Variants in LYPD6B observed in about 807,000 individuals in gnomAD.
The protein encoded by LYPD6B is ly6/PLAUR domain-containing protein 6B.
LYPD6B carries 17 observed loss-of-function variants against 22.8 expected under a neutral mutation model. The observed-to-expected ratio is 0.75, with a 90% CI of 0.51 to 1.12. The LOEUF is 1.12. Ranked by LOEUF, LYPD6B falls within the 50% of genes most tolerant of loss-of-function variation. LYPD6B has a pLI of 0.00. For missense variants in LYPD6B, 221 were observed against 258.3 expected (o/e 0.86, Z 0.99); for synonymous variants, 106 against 91.6 (o/e 1.16, Z -0.90).
intron 1 of LYPD6B, among the ~76,000 whole-genome samples, chr2:149,094,241 G>A (rs564347298): frequency 5.3e-5 from 8 of 152,252 alleles, no homozygotes; most frequent in Admixed American, 2.6e-4. Flanking sequence ...GAAAGGATTC[G>A]ACTATCGGCA....
intron 3 of LYPD6B, among the ~76,000 whole-genome samples, chr2:149,177,618 C>T (rs881495): frequency 0.31 from 47,275 of 152,080 alleles, 9,135 homozygotes; most frequent in East Asian, 0.55. Context: ...TTGGGATCTG[C>T]AAGGGATTGG....
intron 3 of LYPD6B, among the ~76,000 whole-genome samples, chr2:149,177,832 A>G (rs1691424276): frequency 1.5e-5 from 2 of 135,002 alleles, no homozygotes; most frequent in South Asian, 2.7e-4. Context: ...CCCTTCTGCA[A>G]GAGTTTTTTT....
intron 1 of LYPD6B, among the ~76,000 whole-genome samples, chr2:149,124,769 G>A (rs1032337820): frequency 2.0e-5 from 3 of 152,050 alleles, no homozygotes; most frequent in East Asian, 3.9e-4. Flanking sequence ...TTAGGATTAC[G>A]TAAAAAGGAG....
intron 1 of LYPD6B, among the ~76,000 whole-genome samples, chr2:149,054,586 C>T (rs9636256): frequency 0.076 from 11,629 of 152,114 alleles, 601 homozygotes; most frequent in East Asian, 0.29. Context: ...ACATGAAACA[C>T]GAAAGGTTTT....
chr2:149,136,329 T>A (rs1688369712), intron 2 of LYPD6B, among the ~76,000 whole-genome samples: 1 of 152,182 alleles, frequency 6.6e-6, no homozygotes, highest in South Asian at 2.1e-4. Context: ...TTTTCAATAT[T>A]TCATAAGCTA....
intron 1 of LYPD6B, among the ~76,000 whole-genome samples, chr2:149,048,959 A>G (rs1683429665): frequency 6.6e-6 from 1 of 152,216 alleles, no homozygotes. Context: ...AATATACGTC[A>G]GGATTAGGTA....
At chr2:149,071,803 A>G (rs921163704) in intron 1 of LYPD6B, among the ~76,000 whole-genome samples, 6 of 152,236 alleles carry the variant, frequency 3.9e-5, no homozygotes, top group Admixed American at 3.9e-4. Context: ...GGAAAACTTC[A>G]AGGACAAGGT....
intron 2 of LYPD6B, among the ~76,000 whole-genome samples, chr2:149,135,429 T>C (rs997650867): frequency 7.9e-5 from 12 of 152,032 alleles, no homozygotes; most frequent in African/African-American, 2.9e-4. Flanking sequence ...TAAAGAAATG[T>C]GTATTTTTGG....
intron 1 of LYPD6B, among the ~76,000 whole-genome samples, chr2:149,107,107 A>G (rs1333145725): frequency 6.6e-6 from 1 of 152,234 alleles, no homozygotes; most frequent in Non-Finnish European, 1.5e-5. Context: ...AGAATATACT[A>G]TAATTAAAGT....
chr2:149,058,707 C>T (rs766900768), intron 1 of LYPD6B, among the ~76,000 whole-genome samples: 4 of 152,216 alleles, frequency 2.6e-5, no homozygotes, highest in African/African-American at 7.2e-5. Flanking sequence ...ACAACCTCCA[C>T]CTCCCAGGTT....
At chr2:149,110,995 T>C (rs891351639) in intron 1 of LYPD6B, among the ~76,000 whole-genome samples, 2 of 152,146 alleles carry the variant, frequency 1.3e-5, no homozygotes, top group Admixed American at 1.3e-4. Flanking sequence ...GGTAGCTATC[T>C]GGTGGAAGGA....
At chr2:149,199,818 A>G (rs914634702) in intron 3 of LYPD6B, among the ~76,000 whole-genome samples, 4 of 152,246 alleles carry the variant, frequency 2.6e-5, no homozygotes, top group Admixed American at 6.5e-5. Context: ...TGGGTTCCCA[A>G]CGCCCAGGGA....
At chr2:149,044,082 T>G (rs1309962579) in intron 1 of LYPD6B, among the ~76,000 whole-genome samples, 1 of 152,124 alleles carries the variant, frequency 6.6e-6, no homozygotes, top group Non-Finnish European at 1.5e-5. Context: ...AACTTTATTC[T>G]TTTTCAAAAT....
intron 1 of LYPD6B, among the ~76,000 whole-genome samples, chr2:149,106,424 G>T (rs529968740): frequency 6.6e-6 from 1 of 152,226 alleles, no homozygotes; most frequent in East Asian, 1.9e-4. Context: ...TTCATGGGAA[G>T]ATTTTTAACT....
intron 2 of LYPD6B, among the ~76,000 whole-genome samples, chr2:149,147,233 C>G (rs538053875): frequency 6.6e-6 from 1 of 151,200 alleles, no homozygotes; most frequent in Non-Finnish European, 1.5e-5. Flanking sequence ...AAACAAAAAA[C>G]GAAGCAGAAA....
chr2:149,126,869 C>T (rs1343187148), intron 1 of LYPD6B, among the ~76,000 whole-genome samples: 1 of 152,072 alleles, frequency 6.6e-6, no homozygotes. Flanking sequence ...GTGCTTCATG[C>T]CTCTTAATAC....
At chr2:149,112,181 A>G (rs1037371295) in intron 1 of LYPD6B, among the ~76,000 whole-genome samples, 9 of 152,226 alleles carry the variant, frequency 5.9e-5, no homozygotes, top group Non-Finnish European at 1.2e-4. Context: ...AAGGAGATGC[A>G]TGTCTGACAG....
rs983358345 is a variant in LYPD6B at position 149,191,538 on chromosome 2, T to C, written c.78-13715T>C. Among the ~76,000 whole-genome samples, 5 of 152,346 alleles carry C rather than the reference T, an allele frequency of 3.3e-5. No homozygotes were observed. In the East Asian group the frequency reaches 9.6e-4, roughly 29 times the overall value. On this transcript the variant is annotated intron_variant, in intron 3 of 6. Coordinates refer to ENST00000409642, the MANE Select transcript of LYPD6B (RefSeq NM_177964.5). ...GACCGTCTATTCTGTTTCATTTGTCTGTCTGCTCATATGCTAGTCCTGTCT... is the reference window on the plus strand; with the variant it reads ...GACCGTCTATTCTGTTTCATTTGTCCGTCTGCTCATATGCTAGTCCTGTCT...
At chr2:149,185,378 C>T (rs1445919474) in intron 3 of LYPD6B, among the ~76,000 whole-genome samples, 3 of 152,170 alleles carry the variant, frequency 2.0e-5, no homozygotes, top group African/African-American at 7.2e-5. Context: ...AGCTGGGAAC[C>T]TATCCCTGAT....
Sources: allele counts gnomAD v4.1 joint callset (sites outside exome capture counted in the v4.1 genomes callset), GRCh38; gene constraint gnomAD v4.1.1; transcripts MANE v1.5; gene names NCBI Gene and HGNC (gene_info 2026-07-23, HGNC 2026-07-21).